C1QTNF3: variants seen among roughly 807,000 people sequenced by gnomAD.
The protein encoded by C1QTNF3 is C1q and TNF related 3, also known as complement C1q tumor necrosis factor-related protein 3.
In C1QTNF3, 26 loss-of-function variants were observed where a neutral mutation model predicts 32.6. That is an observed-to-expected ratio of 0.80 (90% CI 0.58 to 1.11). C1QTNF3 has a LOEUF of 1.11. C1QTNF3 is among the 50% of genes least tolerant of loss of function. The probability of loss-of-function intolerance (pLI) is 0.00; values close to 1 mark genes in which losing one functional copy is unlikely to be tolerated. For synonymous variants in C1QTNF3, 155 were observed against 146.0 expected (o/e 1.06, Z -0.44); for missense variants, 362 against 398.2 (o/e 0.91, Z 0.77).
chr5:34,140,551 GA>G, the C1QTNF3 span, among the ~76,000 whole-genome samples: 1 of 152,222 alleles, frequency 6.6e-6, no homozygotes, highest in Non-Finnish European at 1.5e-5. Context: ...AACTAGAGAT[GA>G]TATATGTAGG....
the C1QTNF3 span, among the ~76,000 whole-genome samples, chr5:34,107,866 C>A: frequency 2.6e-5 from 4 of 152,026 alleles, no homozygotes; most frequent in East Asian, 1.9e-4. Flanking sequence ...ACAAAATACT[C>A]AAGACTTGAG....
chr5:34,207,055 C>T, the C1QTNF3 span, among the ~76,000 whole-genome samples: 6 of 152,228 alleles, frequency 3.9e-5, no homozygotes, highest in East Asian at 1.2e-3. Context: ...CTTTATTGAG[C>T]TAATGGCAAG....
chr5:34,090,859 G>C, the C1QTNF3 span, among the ~76,000 whole-genome samples: 1 of 152,076 alleles, frequency 6.6e-6, no homozygotes, highest in Admixed American at 6.6e-5. Flanking sequence ...GGATTTTCCA[G>C]CCTCCAGAAC....
chr5:34,119,595 C>G, the C1QTNF3 span, among the ~76,000 whole-genome samples: 1 of 152,096 alleles, frequency 6.6e-6, no homozygotes, highest in African/African-American at 2.4e-5. Flanking sequence ...CAAAATATGT[C>G]TCACTGTGCT....
chr5:34,118,844 C>T, the C1QTNF3 span, among the ~76,000 whole-genome samples: 68 of 152,126 alleles, frequency 4.5e-4, no homozygotes, highest in Non-Finnish European at 6.3e-4. Flanking sequence ...AGGTTACAAT[C>T]GCTTTATCAT....
the C1QTNF3 span, among the ~76,000 whole-genome samples, chr5:34,169,515 C>T: frequency 1.3e-5 from 2 of 151,980 alleles, no homozygotes; most frequent in Admixed American, 1.3e-4. Flanking sequence ...GAAAATTAAT[C>T]CATTATCAGA....
At chr5:34,163,995 C>G in the C1QTNF3 span, among the ~76,000 whole-genome samples, 1 of 152,170 alleles carries the variant, frequency 6.6e-6, no homozygotes, top group Non-Finnish European at 1.5e-5. Context: ...AAAATAATAT[C>G]TACCATAAAC....
chr5:34,192,127 C>A, the C1QTNF3 span: 1 of 711,728 alleles, frequency 1.4e-6, no homozygotes, highest in East Asian at 2.7e-5. Context: ...CAGATACTGC[C>A]TCAAACGAAA....
At chr5:34,241,071 C>T in the C1QTNF3 span, among the ~76,000 whole-genome samples, 1 of 151,794 alleles carries the variant, frequency 6.6e-6, no homozygotes, top group Non-Finnish European at 1.5e-5. Context: ...AATCCAGTGC[C>T]CCTTCATGAA....
chr5:34,068,222 C>A, the C1QTNF3 span, among the ~76,000 whole-genome samples: 3 of 152,120 alleles, frequency 2.0e-5, no homozygotes, highest in African/African-American at 7.2e-5. Context: ...AAATAGCCAA[C>A]AAAATTGAAT....
In C1QTNF3 at chr5:34,020,599, A is replaced by G. The variant is rs775196054; in HGVS notation, c.944T>C (p.Leu315Pro). 6.2e-7 allele frequency: 1 copy of G among 1,614,192 alleles called. No homozygotes were observed. Among genetic ancestry groups the G allele is most frequent in the Admixed American group, 1.7e-5 (1 of 60,024 alleles). ...QRFSTFAGFL[L>P]FETK ...GTCATATATTTACTTAGTTTCAAAGAGCAGGAATCCTGCAAAGGTGGAGAA... is the reference window on the plus strand; with the variant it reads ...GTCATATATTTACTTAGTTTCAAAGGGCAGGAATCCTGCAAAGGTGGAGAA... The change falls in exon 6 of 6, where the codon CTC (leucine) becomes CCC (proline). Residue 315 changes from leucine to proline, a missense_variant. Coordinates refer to ENST00000382065, the MANE Select transcript of C1QTNF3 (RefSeq NM_181435.6).
At chr5:34,159,469 A>T in the C1QTNF3 span, among the ~76,000 whole-genome samples, 1 of 152,112 alleles carries the variant, frequency 6.6e-6, no homozygotes, top group Non-Finnish European at 1.5e-5. Flanking sequence ...AAAAAAGAAT[A>T]CTCATTAACA....
the C1QTNF3 span, among the ~76,000 whole-genome samples, chr5:34,154,032 T>TAA: frequency 5.8e-5 from 6 of 103,092 alleles, no homozygotes; most frequent in African/African-American, 1.6e-4. Context: ...ACCTGCAAAA[T>TAA]AAAAAAAAAA....
At chr5:34,024,380 T>C (rs1205986748) in intron 4 of C1QTNF3, 2 of 187,224 alleles carry the variant, frequency 1.1e-5, no homozygotes, top group Middle Eastern at 2.3e-3. Flanking sequence ...GGTGCAGAGA[T>C]GTTTGTGGTT....
At chr5:34,236,103 G>A in the C1QTNF3 span, among the ~76,000 whole-genome samples, 1 of 151,954 alleles carries the variant, frequency 6.6e-6, no homozygotes, top group Non-Finnish European at 1.5e-5. Flanking sequence ...AGACTAAGTT[G>A]GATATAAAAT....
chr5:34,113,377 T>C, the C1QTNF3 span, among the ~76,000 whole-genome samples: 1 of 150,874 alleles, frequency 6.6e-6, no homozygotes, highest in African/African-American at 2.4e-5. Context: ...TTCAGGCCTA[T>C]AAAGGGCTAG....
chr5:34,241,008 T>C, the C1QTNF3 span, among the ~76,000 whole-genome samples: 1 of 151,748 alleles, frequency 6.6e-6, no homozygotes, highest in Admixed American at 6.6e-5. Flanking sequence ...TAAACAGAAT[T>C]AAATCAAAAA....
chr5:34,031,552 G>T (rs946136800), intron 3 of C1QTNF3, among the ~76,000 whole-genome samples: 1 of 152,114 alleles, frequency 6.6e-6, no homozygotes, highest in Non-Finnish European at 1.5e-5. Context: ...ACAGCATTTG[G>T]CTAGGCACAG....
the C1QTNF3 span, among the ~76,000 whole-genome samples, chr5:34,136,700 A>G: frequency 6.6e-6 from 1 of 151,948 alleles, no homozygotes; most frequent in Non-Finnish European, 1.5e-5. Flanking sequence ...ACGTGCACAC[A>G]TATGTTTATT....
Sources: gnomAD v4.1 joint callset for allele counts (sites outside exome capture counted in the v4.1 genomes callset) on GRCh38, gnomAD v4.1.1 for gene constraint, MANE v1.5 for transcripts, NCBI Gene and HGNC (gene_info 2026-07-23, HGNC 2026-07-21) for gene names.